IRAG1: variants seen among roughly 807,000 people sequenced by gnomAD.
IRAG1 encodes IP3R-associated cGMP kinase substrate.
A neutral mutation model predicts 106.2 loss-of-function variants in IRAG1; 62 were observed. The observed-to-expected ratio is 0.58, with a 90% confidence interval of 0.48 to 0.72. The LOEUF (loss-of-function observed/expected upper bound fraction) is 0.72. Ranked by LOEUF, IRAG1 falls within the 30% of genes least tolerant of loss-of-function variation. IRAG1 has a pLI of 0.00. For synonymous variants in IRAG1, 462 were observed against 443.9 expected, an observed-to-expected ratio of 1.04 and a Z score of -0.51; for missense variants, 1,064 against 1,140.7, an observed-to-expected ratio of 0.93 and a Z score of 0.97.
chr11:10,581,017 T>C (rs1372877112), intron 19 of IRAG1, among the ~76,000 whole-genome samples: 4 of 152,216 alleles, frequency 2.6e-5, no homozygotes, highest in Non-Finnish European at 5.9e-5. Flanking sequence ...TGGCTTGATC[T>C]AGAGAGGTAC....
chr11:10,643,385 C>A (rs994331292), intron 2 of IRAG1, among the ~76,000 whole-genome samples: 4 of 152,166 alleles, frequency 2.6e-5, no homozygotes, highest in Admixed American at 2.6e-4. Context: ...TCCCTTGCAC[C>A]AAGGGCCTGC....
rs1363591983 is a variant in IRAG1, at chr11:10,659,765, T to C, written c.68-7583A>G. 6.6e-6 allele frequency among the ~76,000 whole-genome samples: 1 copy of C among 152,108 alleles called. No homozygotes were observed. The highest frequency in any genetic ancestry group is 2.4e-5 in the African/African-American group (1 of 41,432). ...TTTTTCTTCTTCAAAATATGTACAA[T>C]TGCTCAATCGGAGGCAGTTCAAAGG... On this transcript the variant is annotated intron_variant, in intron 1 of 20. Coordinates refer to ENST00000423302, the MANE Select transcript of IRAG1 (RefSeq NM_130385.4). This position sits in a 1 kb window ranked among gnomAD's most constrained non-coding sequence, Gnocchi z 4.1.
chr11:10,609,992 A>C, intron 10 of IRAG1, 141 bp from the exon 11 acceptor site: 3 of 827,720 alleles, frequency 3.6e-6, no homozygotes, highest in Middle Eastern at 3.4e-4. Context: ...CATTATTCTC[A>C]CAATGAGCTA....
chr11:10,594,580 G>C (rs567139077), intron 15 of IRAG1, among the ~76,000 whole-genome samples: 2 of 151,604 alleles, frequency 1.3e-5, no homozygotes, highest in East Asian at 1.9e-4. Flanking sequence ...GAAACTATGA[G>C]CAAGGAAGGT....
chr11:10,632,190 C>CTT (rs35138815), intron 3 of IRAG1, 129 bp from the exon 4 acceptor site: 451 of 563,846 alleles, frequency 8.0e-4, no homozygotes, highest in African/African-American at 4.4e-3. Flanking sequence ...TTCTTTCTTT[C>CTT]TTTTTTTTTT....
Position 10,628,792 on chromosome 11 carries a change from G to A in IRAG1, c.611C>T (p.Thr204Ile). 6.4e-7 allele frequency: 1 copy of A among 1,571,198 alleles called. No individual in the cohort carries two copies. The highest frequency in any genetic ancestry group is 8.6e-7 in the Non-Finnish European group (1 of 1,162,192). The change falls in exon 6 of 21, where the codon ACA becomes ATA. Residue 204 changes from threonine to isoleucine, a missense_variant. Thr to Ile is a moderately conservative substitution (Grantham distance 89). Coordinates refer to ENST00000423302, the MANE Select transcript of IRAG1 (RefSeq NM_130385.4). The surrounding 1 kb of genome is among the most constrained non-coding windows in gnomAD (Gnocchi z 4.1). ...TGTAAGTGAGTTGCTCCGAGAGGAT[G>A]TAGGAGAAGCGCTGGGGCTGAGGTT... ...SPNLSPSASP[T>I]SSRSNSLTVP... is the part of the protein sequence containing the mutation.
intron 12 of IRAG1, 97 bp from the exon 13 acceptor site, chr11:10,604,642 C>CCTGGAACAG: frequency 7.0e-7 from 1 of 1,419,304 alleles, no homozygotes; most frequent in Non-Finnish European, 9.8e-7. Flanking sequence ...TGCAACGGCC[C>CCTGGAACAG]CTGGAACAGC....
chr11:10,645,911 T>C (rs1162925687), intron 2 of IRAG1, among the ~76,000 whole-genome samples: 1 of 152,222 alleles, frequency 6.6e-6, no homozygotes, highest in Admixed American at 6.5e-5. Context: ...AAGCCTAATA[T>C]GGTACCTGGC....
In IRAG1 at chr11:10,661,598, G is replaced by A. The variant is rs78346157; in HGVS notation, c.68-9416C>T. Among the ~76,000 whole-genome samples the A allele has an allele frequency of 4.7e-3, 710 of 152,256 alleles. 2 individuals carry two copies. Among genetic ancestry groups the A allele is most frequent in the African/African-American group, 0.016 (680 of 41,536 alleles). The stretch of plus-strand genomic sequence containing the variant: ...TAGAGGCTGCCTACATTCGTTGGCT[G>A]GTGACCCTTTTTTCTCCATCCTCAA... On this transcript the variant is annotated intron_variant, in intron 1 of 20. Coordinates refer to ENST00000423302, the MANE Select transcript of IRAG1 (RefSeq NM_130385.4).
intron 10 of IRAG1, among the ~76,000 whole-genome samples, chr11:10,622,167 A>G (rs1033080131): frequency 6.6e-6 from 1 of 152,214 alleles, no homozygotes; most frequent in Non-Finnish European, 1.5e-5. Flanking sequence ...GGAGTACTAT[A>G]TAGAGTAAAA....
intron 2 of IRAG1, among the ~76,000 whole-genome samples, chr11:10,645,394 C>G (rs1296668019): frequency 2.6e-5 from 4 of 152,240 alleles, no homozygotes; most frequent in Non-Finnish European, 5.9e-5. Flanking sequence ...ACTGGCTTAA[C>G]CTTTCCAAGC....
chr11:10,615,345 T>G (rs534816736), intron 10 of IRAG1, among the ~76,000 whole-genome samples: 1 of 152,334 alleles, frequency 6.6e-6, no homozygotes, highest in South Asian at 2.1e-4. Context: ...GACTATGAAC[T>G]GGTTCAACCA....
chr11:10,632,567 G>A (rs1223691552), intron 3 of IRAG1, among the ~76,000 whole-genome samples: 1 of 152,152 alleles, frequency 6.6e-6, no homozygotes, highest in Non-Finnish European at 1.5e-5. Flanking sequence ...CTCAACTTGG[G>A]AACGTCTTAG....
At chr11:10,656,134 A>C (rs1051335200) in intron 1 of IRAG1, among the ~76,000 whole-genome samples, 1 of 152,220 alleles carries the variant, frequency 6.6e-6, no homozygotes, top group East Asian at 1.9e-4. Flanking sequence ...TTTAGAATAT[A>C]ATCTCCAGGA....
chr11:10,647,108 TG>T lies in IRAG1; in HGVS notation c.225+4916del, dbSNP rs1858017682. The stretch of plus-strand genomic sequence containing the variant: ...CAGCGAGCTCTGAAGTTGGCCCTTC[TG>T]AGGTGAGTGGCTTTGGGAACACAGG... On this transcript the variant is annotated intron_variant, in intron 2 of 20. Coordinates refer to ENST00000423302, the MANE Select transcript of IRAG1 (RefSeq NM_130385.4). This position sits in a 1 kb window ranked among gnomAD's most constrained non-coding sequence, Gnocchi z 4.3. Among the ~76,000 whole-genome samples, 1 of 152,156 alleles carries T rather than the reference TG, an allele frequency of 6.6e-6. No individual in the cohort carries two copies. Among genetic ancestry groups the T allele is most frequent in the Non-Finnish European group, 1.5e-5 (1 of 68,018 alleles).
In IRAG1 at chr11:10,574,383, T is replaced by C. The variant is rs780113625; in HGVS notation, c.*1949A>G. 28 of 152,184 alleles carry C rather than the reference T, an allele frequency of 1.8e-4. No homozygotes were observed. The highest frequency in any genetic ancestry group is 2.8e-4 in the Non-Finnish European group (19 of 68,040). 9.4% of individuals were successfully genotyped at this position (152,184 alleles called of 1,614,324 possible). A position where few individuals can be genotyped will look rare whatever the true frequency, so the allele number is the denominator to read the frequency against. On this transcript the variant is annotated 3_prime_UTR_variant, in exon 21 of 21. Coordinates refer to ENST00000423302, the MANE Select transcript of IRAG1 (RefSeq NM_130385.4). ...ACACCCTCCCAAGCGTCAGCCACCA[T>C]GCTAGGCACTTACCCAAGAGATGGG...
At chr11:10,655,541 T>A (rs1053887375) in intron 1 of IRAG1, among the ~76,000 whole-genome samples, 1 of 152,180 alleles carries the variant, frequency 6.6e-6, no homozygotes, top group Non-Finnish European at 1.5e-5. Flanking sequence ...CAGGCTGTTC[T>A]TTAAGGTAGT....
chr11:10,576,381 T>C lies in IRAG1; in HGVS notation c.2690A>G (p.Asp897Gly), dbSNP rs1359561803. 6.2e-7 allele frequency: 1 copy of C among 1,613,782 alleles called. No homozygotes were observed. The highest frequency in any genetic ancestry group is 2.2e-5 in the East Asian group (1 of 44,874). Residue 897 changes from aspartate (D) to glycine (G), a missense_variant, in exon 21 of 21, where the codon GAC (aspartate) becomes GGC (glycine). Transcript: ENST00000423302. ...CTGGAGTCCTGAGCTCCACCAGGAG[T>C]CCCTCTGGGCTGCCGAGCAAGTGGA... ...GRSTCSAAQRDSWWSSGLQHE... is the reference protein window; with the variant it reads ...GRSTCSAAQRGSWWSSGLQHE...
intron 1 of IRAG1, among the ~76,000 whole-genome samples, chr11:10,662,222 C>T (rs910697119): frequency 6.6e-6 from 1 of 152,178 alleles, no homozygotes; most frequent in African/African-American, 2.4e-5. Flanking sequence ...GCCTGGCCAA[C>T]ATGGTGAAAC....
Sources: gnomAD v4.1 joint callset for allele counts (sites outside exome capture counted in the v4.1 genomes callset) on GRCh38, gnomAD v4.1.1 for gene constraint, Gnocchi (gnomAD v3.1) non-coding constraint, MANE v1.5 for transcripts, NCBI Gene and HGNC (gene_info 2026-07-23, HGNC 2026-07-21) for gene names.